The following UTS2 variants were observed in gnomAD, a reference collection of about 807,000 sequenced individuals.
The protein encoded by UTS2 is urotensin 2, also known as urotensin-2.
UTS2 carries 10 observed loss-of-function variants against 12.6 expected under a neutral mutation model. The observed-to-expected ratio is 0.80, with a 90% CI of 0.49 to 1.35. The LOEUF is 1.35. Ranked by LOEUF, UTS2 falls within the 40% of genes most tolerant of loss-of-function variation. The pLI, the probability that UTS2 is intolerant of heterozygous loss-of-function variation, is 0.00. For missense variants in UTS2, 142 were observed against 143.2 expected (o/e 0.99, Z 0.04); for synonymous variants, 52 against 50.0 (o/e 1.04, Z -0.17).
At chr1:7,855,123 T>G (rs960964376), upstream of UTS2, among the ~76,000 whole-genome samples, 5 of 151,942 alleles carry the variant, frequency 3.3e-5, no homozygotes, top group Admixed American at 1.3e-4. Flanking sequence ...ATCACACCAC[T>G]GCACTCCAGC....
At chr1:7,885,921 G>GA in the UTS2 span, among the ~76,000 whole-genome samples, 1 of 50,692 alleles carries the variant, frequency 2.0e-5, no homozygotes, top group Non-Finnish European at 4.4e-5. Flanking sequence ...GGGGGGGCGG[G>GA]TGGAGGTGGA....
At chr1:7,894,229 C>A in the UTS2 span, among the ~76,000 whole-genome samples, 6 of 151,306 alleles carry the variant, frequency 4.0e-5, no homozygotes, top group Admixed American at 2.6e-4. Flanking sequence ...GTCTCCCAGG[C>A]GGGAGTGCAG....
chr1:7,872,299 CAAA>C, the UTS2 span, among the ~76,000 whole-genome samples: 4,048 of 65,638 alleles, frequency 0.062, 107 homozygotes, highest in African/African-American at 0.21. Flanking sequence ...GACTCTGTCT[CAAA>C]AAAAAAAAAA....
chr1:7,854,091 A>G (rs1638244464), upstream of UTS2, among the ~76,000 whole-genome samples: 1 of 152,174 alleles, frequency 6.6e-6, no homozygotes. Flanking sequence ...CACGCCTGTA[A>G]TCCCAGCACT....
the UTS2 span, among the ~76,000 whole-genome samples, chr1:7,863,041 TTG>T: frequency 6.6e-3 from 194 of 29,334 alleles, 9 homozygotes; most frequent in South Asian, 0.02. Context: ...TTGTATTGTA[TTG>T]TATTGTATTG....
chr1:7,885,841 C>T, the UTS2 span, among the ~76,000 whole-genome samples: 1 of 824 alleles, frequency 1.2e-3, no homozygotes, highest in Non-Finnish European at 2.6e-3. Flanking sequence ...TCAGGAAGGG[C>T]GAGGCCCAGG....
the UTS2 span, among the ~76,000 whole-genome samples, chr1:7,874,977 C>T: frequency 6.6e-6 from 1 of 152,154 alleles, no homozygotes; most frequent in African/African-American, 2.4e-5. Context: ...GAGGCCTCCC[C>T]AGCCATGCAG....
At chr1:7,859,440 G>A in the UTS2 span, among the ~76,000 whole-genome samples, 19 of 152,184 alleles carry the variant, frequency 1.2e-4, no homozygotes, top group Non-Finnish European at 2.5e-4. Context: ...GGGGAGAATG[G>A]TGGGGACTTC....
At chr1:7,907,071 T>C in the UTS2 span, among the ~76,000 whole-genome samples, 3 of 150,950 alleles carry the variant, frequency 2.0e-5, no homozygotes, top group African/African-American at 7.3e-5. Flanking sequence ...CTGGGCAACA[T>C]AGTAAGACCC....
chr1:7,904,144 A>G, the UTS2 span, among the ~76,000 whole-genome samples: 1 of 151,982 alleles, frequency 6.6e-6, no homozygotes, highest in African/African-American at 2.4e-5. Context: ...GTTCTAATAT[A>G]AATTTTTATC....
chr1:7,865,754 G>A, the UTS2 span, among the ~76,000 whole-genome samples: 2 of 152,144 alleles, frequency 1.3e-5, no homozygotes, highest in Admixed American at 1.3e-4. Flanking sequence ...GCAACACAGG[G>A]AGACCCCATC....
chr1:7,882,396 G>C, the UTS2 span, among the ~76,000 whole-genome samples: 1 of 152,092 alleles, frequency 6.6e-6, no homozygotes. Context: ...AATTAAACTA[G>C]ATGTGTATCT....
At chr1:7,893,182 T>A in the UTS2 span, among the ~76,000 whole-genome samples, 1 of 152,194 alleles carries the variant, frequency 6.6e-6, no homozygotes, top group Non-Finnish European at 1.5e-5. Flanking sequence ...TTGCAATCCT[T>A]GAACACAGAG....
At chr1:7,856,554 G>T (rs1026702596), upstream of UTS2, among the ~76,000 whole-genome samples, 1 of 36,894 alleles carries the variant, frequency 2.7e-5, no homozygotes, top group African/African-American at 1.2e-4. Context: ...GAAGATTCCT[G>T]CGAGGGCAAA....
the UTS2 span, among the ~76,000 whole-genome samples, chr1:7,863,065 ATT>A: frequency 3.3e-5 from 3 of 90,880 alleles, no homozygotes; most frequent in South Asian, 4.1e-4. Flanking sequence ...ATTGTATTGT[ATT>A]GTATTGTATT....
At chr1:7,873,625 A>T in the UTS2 span, among the ~76,000 whole-genome samples, 1 of 152,232 alleles carries the variant, frequency 6.6e-6, no homozygotes, top group East Asian at 1.9e-4. Flanking sequence ...AAATTTCATG[A>T]TAAAACTTGA....
chr1:7,863,045 ATTGTATT>A, the UTS2 span, among the ~76,000 whole-genome samples: 44 of 36,568 alleles, frequency 1.2e-3, no homozygotes, highest in South Asian at 9.9e-3. Flanking sequence ...ATTGTATTGT[ATTGTATT>A]GTATTGTATT....
At chr1:7,896,706 T>G in the UTS2 span, among the ~76,000 whole-genome samples, 2 of 152,074 alleles carry the variant, frequency 1.3e-5, no homozygotes, top group African/African-American at 4.8e-5. Flanking sequence ...AAGAAGCTTT[T>G]TTTTTTTAAG....
the UTS2 span, among the ~76,000 whole-genome samples, chr1:7,901,590 G>GTA: frequency 4.7e-5 from 7 of 147,484 alleles, no homozygotes; most frequent in Admixed American, 4.9e-4. Flanking sequence ...ACTTGGATGT[G>GTA]TATATATATT....
Sources: allele counts gnomAD v4.1 joint callset (sites outside exome capture counted in the v4.1 genomes callset), GRCh38; gene constraint gnomAD v4.1.1; transcripts MANE v1.5; gene names NCBI Gene and HGNC (gene_info 2026-07-23, HGNC 2026-07-21).